Variants in NCOA7 observed in about 807,000 individuals in gnomAD.
NCOA7 encodes 140 kDa estrogen receptor-associated protein.
Under a neutral mutation model 104.3 loss-of-function variants are expected in NCOA7, and 45 were observed. That is an observed-to-expected ratio of 0.43 (90% confidence interval 0.34 to 0.55). The LOEUF (loss-of-function observed/expected upper bound fraction) is 0.55, where lower values mean the gene tolerates loss of function less well. Ranked by LOEUF, NCOA7 falls within the 20% of genes least tolerant of loss-of-function variation. The pLI is 0.02. For missense variants in NCOA7, 1,041 were observed against 1,119.7 expected (o/e 0.93, Z 1.00); for synonymous variants, 398 against 402.3 (o/e 0.99, Z 0.13).
chr6:125,841,475 T>A (rs902006751), intron 2 of NCOA7, among the ~76,000 whole-genome samples: 3 of 152,160 alleles, frequency 2.0e-5, no homozygotes, highest in Non-Finnish European at 1.5e-5. Flanking sequence ...TACCACAACC[T>A]GTGGTTGGTT....
intron 7 of NCOA7, 90 bp downstream of exon 7, chr6:125,882,641 A>C (rs780150042): frequency 6.8e-7 from 1 of 1,477,820 alleles, no homozygotes; most frequent in East Asian, 2.3e-5. Flanking sequence ...CTACATTAAA[A>C]GATCTTACCC....
rs533622181 is a variant in NCOA7 at position 125,930,997 on chromosome 6, A to G, written c.*2226A>G. ...AGCATATCCAGATGCTGTGTTCTCT[A>G]TGTAAAACAGTATTGTCCATTCAGA... On this transcript the variant is annotated 3_prime_UTR_variant, in exon 16 of 16. Coordinates refer to ENST00000392477, the MANE Select transcript of NCOA7 (RefSeq NM_181782.5). 9.8e-5 allele frequency: 15 copies of G among 152,792 alleles called. No individual in the cohort carries two copies. The South Asian group carries it at 2.9e-3, about 30-fold the overall frequency. 9.5% of individuals were successfully genotyped at this position (152,792 alleles called of 1,614,324 possible). A position where few individuals can be genotyped will look rare whatever the true frequency, so the allele number is the denominator to read the frequency against.
chr6:125,911,997 G>A (rs1056489758), intron 10 of NCOA7, among the ~76,000 whole-genome samples: 4 of 152,164 alleles, frequency 2.6e-5, no homozygotes, highest in African/African-American at 4.8e-5. Context: ...TCGTTAACTC[G>A]GTTTCTGCCT....
intron 5 of NCOA7, 30 bp from the exon 6 acceptor site, chr6:125,881,060 A>G (rs988520517): frequency 7.0e-7 from 1 of 1,421,610 alleles, no homozygotes; most frequent in Non-Finnish European, 1.0e-6. Context: ...GGTTGCTGGT[A>G]CTCACCCATC....
chr6:125,904,685 G>A (rs1785809612), intron 10 of NCOA7, among the ~76,000 whole-genome samples: 1 of 152,184 alleles, frequency 6.6e-6, no homozygotes, highest in African/African-American at 2.4e-5. Context: ...AAGCAATAGT[G>A]TGAGCACAGA....
chr6:125,915,993 G>A (rs780331676), intron 11 of NCOA7, among the ~76,000 whole-genome samples: 12 of 152,122 alleles, frequency 7.9e-5, no homozygotes, highest in Admixed American at 6.5e-4. Context: ...ACAAAAACAG[G>A]TGGTAGACTG....
intron 2 of NCOA7, among the ~76,000 whole-genome samples, chr6:125,832,051 G>T (rs991120987): frequency 3.3e-5 from 5 of 152,146 alleles, no homozygotes; most frequent in African/African-American, 1.2e-4. Context: ...GACATGAGCC[G>T]CCACACTGGG....
chr6:125,896,736 G>A (rs945370174), intron 10 of NCOA7, among the ~76,000 whole-genome samples: 53 of 152,164 alleles, frequency 3.5e-4, no homozygotes, highest in Admixed American at 3.4e-3. Context: ...AGGCTGCAGT[G>A]AGCTAAAATC....
intron 2 of NCOA7, among the ~76,000 whole-genome samples, chr6:125,832,932 T>A (rs1319163013): frequency 1.3e-5 from 2 of 152,194 alleles, no homozygotes; most frequent in Non-Finnish European, 2.9e-5. Flanking sequence ...TCTCCAGACC[T>A]CCTTTCTCCC....
chr6:125,864,985 AGAG>A (rs1177429817), intron 3 of NCOA7, among the ~76,000 whole-genome samples: 1 of 138,338 alleles, frequency 7.2e-6, no homozygotes, highest in Non-Finnish European at 1.5e-5. Flanking sequence ...GAGGGTAAGA[AGAG>A]GAGGAGAAGC....
At chr6:125,839,428 TGATTTAA>T (rs1779920417) in intron 2 of NCOA7, among the ~76,000 whole-genome samples, 3 of 151,106 alleles carry the variant, frequency 2.0e-5, no homozygotes, top group African/African-American at 7.4e-5. Context: ...TAGGCCTTAG[TGATTTAA>T]CTCTATCTGC....
chr6:125,861,571 A>G (rs1451585358), intron 3 of NCOA7, among the ~76,000 whole-genome samples: 3 of 152,146 alleles, frequency 2.0e-5, no homozygotes, highest in Non-Finnish European at 2.9e-5. Context: ...ATCAAGCAGA[A>G]TGAGATTTGG....
chr6:125,889,358 C>T lies in NCOA7; in HGVS notation c.1304C>T (p.Thr435Ile), dbSNP rs762855004. Residue 435 changes from threonine (T) to isoleucine (I), a missense_variant, in exon 9 of 16, where the codon ACC becomes ATC. Physicochemically the swap from Thr to Ile is moderately conservative, Grantham distance 89. Around this residue, in one of 2 missense-constraint regions of NCOA7, gnomAD observed 914 missense variants for 942.7 expected, o/e 0.97. Transcript: ENST00000392477. The stretch of plus-strand genomic sequence containing the variant: ...GGTGGTGGAATGCACAAAAAAGACA[C>T]CTTGAAGGAGTGCCTTTCTCTTGAC... ...QTGGGMHKKD[T>I]LKECLSLDPE... 3 of 1,614,068 alleles carry T rather than the reference C, an allele frequency of 1.9e-6. No homozygotes were observed. Among genetic ancestry groups the T allele is most frequent in the Admixed American group, 1.7e-5 (1 of 60,002 alleles).
intron 11 of NCOA7, chr6:125,919,482 T>A: frequency 6.5e-7 from 1 of 1,544,446 alleles, no homozygotes; most frequent in Non-Finnish European, 8.9e-7. Flanking sequence ...GAATTCTCAG[T>A]GATGTACCTC....
chr6:125,796,401 G>A (rs1299771982), intron 1 of NCOA7, among the ~76,000 whole-genome samples: 1 of 134,708 alleles, frequency 7.4e-6, no homozygotes, highest in Non-Finnish European at 1.5e-5. Flanking sequence ...TCCAGGTAGT[G>A]GGTTCCAGGA....
intron 1 of NCOA7, among the ~76,000 whole-genome samples, chr6:125,807,852 T>G (rs1254668591): frequency 6.6e-6 from 1 of 152,212 alleles, no homozygotes; most frequent in East Asian, 1.9e-4. Flanking sequence ...GGTTGGTCAG[T>G]CAGTCAACAC....
rs1562915078 is a variant in NCOA7, at chr6:125,855,021, C to G, written c.52C>G (p.Leu18Val). The part of the protein sequence containing the change: ...KERKQSYFAR[L>V]KKKKQAKQNA... Reference sequence around the variant, plus strand: ...TTCTTTTTTTTCCCTCTTTCCTAGACTGAAAAAGAAAAAACAAGCCAAACA... The same window carrying G: ...TTCTTTTTTTTCCCTCTTTCCTAGAGTGAAAAAGAAAAAACAAGCCAAACA... The change falls in exon 3 of 16, where the codon CTG (leucine) becomes GTG (valine). Residue 18 changes from leucine to valine, a missense_variant and splice_region_variant. Physicochemically the swap from Leu to Val is conservative, Grantham distance 32 (BLOSUM62 1). Around this residue, in one of 2 missense-constraint regions of NCOA7, gnomAD observed 914 missense variants for 942.7 expected, o/e 0.97. Coordinates refer to ENST00000392477, the MANE Select transcript of NCOA7 (RefSeq NM_181782.5). The G allele has an allele frequency of 6.3e-7, 1 of 1,596,750 alleles. No individual in the cohort carries two copies.
chr6:125,841,730 A>G lies in NCOA7; in HGVS notation c.51-13290A>G, dbSNP rs557292479. On this transcript the variant is annotated intron_variant, in intron 2 of 15. Coordinates refer to ENST00000392477, the MANE Select transcript of NCOA7 (RefSeq NM_181782.5). ...AATTTAGAGTAGGTACTACCAGTCT[A>G]CCACCCCAGAAATTCTGTTTTTGAG... Among the ~76,000 whole-genome samples, 155 of 152,196 alleles carry G rather than the reference A, an allele frequency of 1.0e-3. 1 individual carries two copies. The highest frequency in any genetic ancestry group is 3.4e-3 in the African/African-American group (141 of 41,534).
At chr6:125,866,262 G>A (rs1782435986) in intron 3 of NCOA7, among the ~76,000 whole-genome samples, 1 of 152,014 alleles carries the variant, frequency 6.6e-6, no homozygotes, top group African/African-American at 2.4e-5. Context: ...CCGTGAGGTG[G>A]AGTTTTTGAT....
Sources: allele counts gnomAD v4.1 joint callset (sites outside exome capture counted in the v4.1 genomes callset), GRCh38; gene constraint gnomAD v4.1.1; regional missense constraint gnomAD v4.1.1; transcripts MANE v1.5; gene names NCBI Gene and HGNC (gene_info 2026-07-23, HGNC 2026-07-21).